The following TMC1 variants were observed in gnomAD, a reference collection of about 807,000 sequenced individuals.
TMC1 encodes transmembrane channel like 1.
A neutral mutation model predicts 105.8 loss-of-function variants in TMC1; 84 were observed. The observed-to-expected ratio is 0.79, with a 90% CI of 0.67 to 0.95. The LOEUF is 0.95. Ranked by LOEUF, TMC1 falls within the 40% of genes least tolerant of loss-of-function variation. The pLI is 0.00. For synonymous variants in TMC1, 315 were observed against 311.5 expected (o/e 1.01, Z -0.12); for missense variants, 817 against 914.1 (o/e 0.89, Z 1.37).
chr9:72,578,852 G>T (rs1824430951), intron 2 of TMC1, among the ~76,000 whole-genome samples: 1 of 152,132 alleles, frequency 6.6e-6, no homozygotes, highest in African/African-American at 2.4e-5. Context: ...TGAGGGTCTG[G>T]GGAAAGAAGA....
intron 8 of TMC1, among the ~76,000 whole-genome samples, chr9:72,706,012 A>G (rs985567368): frequency 2.0e-5 from 3 of 152,164 alleles, no homozygotes; most frequent in African/African-American, 7.2e-5. Context: ...TTAAGGTAAC[A>G]TTCCTCCTTA....
At chr9:72,548,486 A>G (rs1823807717) in intron 1 of TMC1, among the ~76,000 whole-genome samples, 1 of 151,926 alleles carries the variant, frequency 6.6e-6, no homozygotes, top group African/African-American at 2.4e-5. Flanking sequence ...AGGCAGGAGA[A>G]CTGCTTCAAT....
intron 13 of TMC1, among the ~76,000 whole-genome samples, chr9:72,778,958 C>G (rs1387539050): frequency 6.6e-6 from 1 of 152,218 alleles, no homozygotes; most frequent in Non-Finnish European, 1.5e-5. Context: ...ATGCATGGAC[C>G]CTGCTGCTCT....
chr9:72,812,166 G>A (rs1828717363), intron 18 of TMC1, among the ~76,000 whole-genome samples: 1 of 152,134 alleles, frequency 6.6e-6, no homozygotes, highest in Non-Finnish European at 1.5e-5. Flanking sequence ...TAAACCTATG[G>A]CTTTTGGAAC....
chr9:72,596,569 A>G (rs1217637855), intron 2 of TMC1, among the ~76,000 whole-genome samples: 1 of 151,736 alleles, frequency 6.6e-6, no homozygotes, highest in Non-Finnish European at 1.5e-5. Flanking sequence ...AAAGACAGAA[A>G]TAGAAAAAGA....
intron 10 of TMC1, among the ~76,000 whole-genome samples, chr9:72,749,891 G>A (rs768916718): frequency 3.3e-5 from 5 of 151,974 alleles, no homozygotes; most frequent in African/African-American, 4.8e-5. Context: ...GGTGGATCAC[G>A]AGGTCAGGAG....
chr9:72,772,394 C>A lies in TMC1; in HGVS notation c.742-19C>A, dbSNP rs1827941760. 6.2e-7 allele frequency: 1 copy of A among 1,613,638 alleles called. No homozygotes were observed. The highest frequency in any genetic ancestry group is 8.5e-7 in the Non-Finnish European group (1 of 1,179,646). On this transcript the variant is annotated intron_variant, in intron 12 of 23. Coordinates refer to ENST00000297784, the MANE Select transcript of TMC1 (RefSeq NM_138691.3). ...GCTCTTCACGACAACTGCTAAGTGG[C>A]TTTGTTGTTGGATTTCAGGGTTTGG... is the stretch of plus-strand genomic sequence containing the variant.
At chr9:72,783,153 G>GATATAT (rs373297077) in intron 13 of TMC1, among the ~76,000 whole-genome samples, 7 of 149,498 alleles carry the variant, frequency 4.7e-5, no homozygotes, top group African/African-American at 1.7e-4. Flanking sequence ...ACTAATAGGA[G>GATATAT]ATATATATAT....
At chr9:72,737,900 C>G (rs147766935) in intron 8 of TMC1, among the ~76,000 whole-genome samples, 126 of 152,286 alleles carry the variant, frequency 8.3e-4, no homozygotes, top group African/African-American at 2.3e-3. Context: ...TGTCAAATGT[C>G]AGGGTGTTTG....
rs557877386 is a variant in TMC1 at position 72,748,777 on chromosome 9, A to G, written c.536-3073A>G. Among the ~76,000 whole-genome samples, 4 of 152,030 alleles carry G rather than the reference A, an allele frequency of 2.6e-5. No individual in the cohort carries two copies. The South Asian group carries it at 6.2e-4, about 24-fold the overall frequency. On this transcript the variant is annotated intron_variant, in intron 10 of 23. Transcript: ENST00000297784. The stretch of plus-strand genomic sequence containing the variant: ...GAGTTTTATGACAACTTGTTGTTTC[A>G]TTTTCTCTACTTTAAGATCTTCATT...
At chr9:72,640,100 A>G (rs570974778) in intron 4 of TMC1, among the ~76,000 whole-genome samples, 60 of 152,312 alleles carry the variant, frequency 3.9e-4, no homozygotes, top group Middle Eastern at 3.4e-3. Context: ...AAAGCACTTG[A>G]TACATGTTTG....
Position 72,836,026 on chromosome 9 carries a change from A to G in TMC1, c.*53A>G, listed in dbSNP as rs1345982286. 6.3e-7 allele frequency: 1 copy of G among 1,592,804 alleles called. No individual in the cohort carries two copies. The highest frequency in any genetic ancestry group is 1.7e-5 in the Admixed American group (1 of 59,844). ...ACACTTTGCCTTGCTGTTTAAAAGT[A>G]ATGCAATATGTGAACGCCCAGAGAA... On this transcript the variant is annotated 3_prime_UTR_variant, in exon 24 of 24. Transcript: ENST00000297784.
At chr9:72,666,064 G>A (rs761108588) in intron 5 of TMC1, among the ~76,000 whole-genome samples, 9 of 152,162 alleles carry the variant, frequency 5.9e-5, no homozygotes, top group Non-Finnish European at 1.0e-4. Flanking sequence ...TAGTGAGAAG[G>A]CAGCAAATTA....
chr9:72,627,898 A>AT (rs36038786), intron 3 of TMC1, 23 bp from the exon 4 acceptor site: 5,961 of 336,760 alleles, frequency 0.018, 1 homozygote, highest in South Asian at 0.023. Context: ...TCTGTATTGG[A>AT]TTTTTTTTTT....
intron 2 of TMC1, among the ~76,000 whole-genome samples, chr9:72,604,474 A>C (rs968232084): frequency 2.6e-5 from 4 of 152,170 alleles, no homozygotes; most frequent in Admixed American, 1.3e-4. Context: ...CATTTCTACA[A>C]TCTAAGGGGA....
At chr9:72,766,401 G>T (rs1588073000) in intron 12 of TMC1, among the ~76,000 whole-genome samples, 1 of 150,322 alleles carries the variant, frequency 6.7e-6, no homozygotes. Flanking sequence ...TGGGTGACAC[G>T]GTGAGACTCT....
At chr9:72,734,122 T>C (rs1827259518) in intron 8 of TMC1, among the ~76,000 whole-genome samples, 1 of 152,188 alleles carries the variant, frequency 6.6e-6, no homozygotes, top group African/African-American at 2.4e-5. Context: ...CAGCACAGGA[T>C]GGCATGAGAT....
At chr9:72,637,309 G>A (rs1478488246) in intron 4 of TMC1, among the ~76,000 whole-genome samples, 1 of 151,362 alleles carries the variant, frequency 6.6e-6, no homozygotes. Flanking sequence ...TCTGAGTACT[G>A]GACTTTTTCA....
chr9:72,594,832 C>T, intron 2 of TMC1, among the ~76,000 whole-genome samples: 1 of 151,578 alleles, frequency 6.6e-6, no homozygotes, highest in East Asian at 1.9e-4. Flanking sequence ...TCCCTGCCTG[C>T]CTCACAATGT....
Sources: allele counts gnomAD v4.1 joint callset (sites outside exome capture counted in the v4.1 genomes callset), GRCh38; gene constraint gnomAD v4.1.1; transcripts MANE v1.5; gene names NCBI Gene and HGNC (gene_info 2026-07-23, HGNC 2026-07-21).